Variants in UNC45B observed in about 807,000 individuals in gnomAD.
The protein encoded by UNC45B is protein unc-45 homolog B.
Under a neutral mutation model 98.7 loss-of-function variants are expected in UNC45B, and 78 were observed. That is an observed-to-expected ratio of 0.79 (90% CI 0.66 to 0.95). The LOEUF (loss-of-function observed/expected upper bound fraction) is 0.95, where lower values mean the gene tolerates loss of function less well. UNC45B is among the 40% of genes least tolerant of loss of function. The pLI, the probability that UNC45B is intolerant of heterozygous loss-of-function variation, is 0.00. For synonymous variants in UNC45B, 462 were observed against 480.4 expected, an observed-to-expected ratio of 0.96 and a Z score of 0.50; for missense variants, 1,225 against 1,184.9, an observed-to-expected ratio of 1.03 and a Z score of -0.50.
intron 18 of UNC45B, among the ~76,000 whole-genome samples, chr17:35,181,978 A>G (rs2092277026): frequency 6.6e-6 from 1 of 151,960 alleles, no homozygotes; most frequent in Non-Finnish European, 1.5e-5. Flanking sequence ...AACCTTTCCT[A>G]TGGGAGCACC....
At chr17:35,147,935 C>T (rs1157098489) in intron 1 of UNC45B, 25 bp downstream of exon 1, 5 of 303,550 alleles carry the variant, frequency 1.6e-5, no homozygotes, top group Admixed American at 4.5e-5. Flanking sequence ...GGGGTGTGCC[C>T]TGGACTGGGG....
chr17:35,149,218 G>A (rs2091998785), intron 3 of UNC45B, among the ~76,000 whole-genome samples: 1 of 152,172 alleles, frequency 6.6e-6, no homozygotes. Flanking sequence ...GCAACTCCCA[G>A]GTGGGTCAGA....
chr17:35,174,338 C>T lies in UNC45B; in HGVS notation c.1927C>T (p.Leu643Phe), dbSNP rs1414782079. The change falls in exon 14 of 20, where the codon CTC (leucine) becomes TTC (phenylalanine). Residue 643 changes from leucine to phenylalanine, a missense_variant. Physicochemically the swap from Leu to Phe is conservative, Grantham distance 22. Coordinates refer to ENST00000394570, the MANE Select transcript of UNC45B (RefSeq NM_001267052.2). ...CATGGTGAAAGCAGATAGTGCCATC[C>T]TCACTGACCAGACCAAGGAGCTGCT... ...ACMVKADSAI[L>F]TDQTKELLAR... The T allele has an allele frequency of 1.9e-6, 3 of 1,614,196 alleles. No individual in the cohort carries two copies. The highest frequency in any genetic ancestry group is 1.7e-6 in the Non-Finnish European group (2 of 1,180,022).
At chr17:35,169,281 C>T (rs953032112) in intron 10 of UNC45B, among the ~76,000 whole-genome samples, 1 of 152,144 alleles carries the variant, frequency 6.6e-6, no homozygotes, top group Non-Finnish European at 1.5e-5. Flanking sequence ...CTAACTGATC[C>T]ACCCGCCTCG....
chr17:35,179,583 G>A (rs2092259843), intron 17 of UNC45B, among the ~76,000 whole-genome samples: 1 of 152,168 alleles, frequency 6.6e-6, no homozygotes, highest in Non-Finnish European at 1.5e-5. Flanking sequence ...AAAAAAGGAT[G>A]AGTTCATGTC....
At chr17:35,179,451 C>T (rs1027068567) in intron 17 of UNC45B, among the ~76,000 whole-genome samples, 14 of 152,150 alleles carry the variant, frequency 9.2e-5, no homozygotes, top group African/African-American at 1.7e-4. Context: ...CACATGCACA[C>T]GTATGTTTAT....
intron 15 of UNC45B, among the ~76,000 whole-genome samples, chr17:35,176,302 A>G (rs936267360): frequency 6.6e-6 from 1 of 152,164 alleles, no homozygotes; most frequent in African/African-American, 2.4e-5. Flanking sequence ...CTTGTAGTTG[A>G]GTTCTTGCTC....
chr17:35,176,179 A>C, intron 15 of UNC45B, 145 bp downstream of exon 15: 1 of 742,790 alleles, frequency 1.3e-6, no homozygotes, highest in Non-Finnish European at 2.3e-6. Flanking sequence ...CCCCAAGCCA[A>C]TTTCTGCTTG....
intron 13 of UNC45B, among the ~76,000 whole-genome samples, chr17:35,171,881 A>G (rs1293044842): frequency 6.6e-6 from 1 of 152,258 alleles, no homozygotes; most frequent in Non-Finnish European, 1.5e-5. Context: ...CCCAGAAGTC[A>G]CAGATCCCCT....
intron 7 of UNC45B, among the ~76,000 whole-genome samples, chr17:35,156,595 C>T (rs2092063714): frequency 6.6e-6 from 1 of 151,946 alleles, no homozygotes; most frequent in Non-Finnish European, 1.5e-5. Flanking sequence ...CACTGCACTC[C>T]AACCCGGGTG....
chr17:35,163,567 A>G (rs1469622500), intron 8 of UNC45B, among the ~76,000 whole-genome samples: 3 of 152,204 alleles, frequency 2.0e-5, no homozygotes, highest in Non-Finnish European at 4.4e-5. Flanking sequence ...GTCTGGATTG[A>G]TAGTAGAGTT....
chr17:35,150,520 G>A (rs1320111540), intron 4 of UNC45B, among the ~76,000 whole-genome samples: 2 of 152,144 alleles, frequency 1.3e-5, no homozygotes, highest in Non-Finnish European at 2.9e-5. Flanking sequence ...AGGCTGAGGC[G>A]GGCAGATCAC....
chr17:35,169,462 C>T (rs1032623551), intron 10 of UNC45B, among the ~76,000 whole-genome samples: 1 of 152,144 alleles, frequency 6.6e-6, no homozygotes, highest in African/African-American at 2.4e-5. Context: ...ATCTGTTATC[C>T]AGAAGATAGG....
At position 35,177,544 on chromosome 17, in the gene UNC45B, A is replaced by G; in HGVS notation, c.2189A>G (p.Asp730Gly). ...PLVRLLDTQRDGLQNYEALLG... is the reference protein window; with the variant it reads ...PLVRLLDTQRGGLQNYEALLG... ...GTAAGACTCTTGGACACACAGAGGG[A>G]TGGGCTTCAGAACTATGAGGCTCTC... Residue 730 changes from aspartate (D) to glycine (G), a missense_variant, in exon 17 of 20, where the codon GAT becomes GGT. Asp to Gly is a moderately conservative substitution (Grantham distance 94, BLOSUM62 -1). Transcript: ENST00000394570. The G allele has an allele frequency of 6.4e-7, 1 of 1,567,176 alleles. No individual in the cohort carries two copies. Among genetic ancestry groups the G allele is most frequent in the Middle Eastern group, 1.7e-4 (1 of 6,010 alleles).
chr17:35,172,357 C>A (rs927186882), intron 13 of UNC45B, among the ~76,000 whole-genome samples: 2 of 151,992 alleles, frequency 1.3e-5, no homozygotes, highest in Admixed American at 1.3e-4. Flanking sequence ...TCAAGTGATT[C>A]TCCTGCCTCA....
intron 13 of UNC45B, among the ~76,000 whole-genome samples, chr17:35,172,748 A>C (rs1393315579): frequency 6.6e-6 from 1 of 152,090 alleles, no homozygotes; most frequent in African/African-American, 2.4e-5. Flanking sequence ...AACCCAATCC[A>C]TTGTTATGGC....
intron 1 of UNC45B, 142 bp from the exon 2 acceptor site, chr17:35,148,121 CT>C: frequency 1.1e-6 from 1 of 874,824 alleles, no homozygotes; most frequent in South Asian, 1.7e-5. Context: ...TTTGGGGGTT[CT>C]GGGGGTGGGT....
In UNC45B at chr17:35,152,947, T is replaced by C; in HGVS notation, c.436T>C (p.Leu146=). The C allele has an allele frequency of 6.2e-7, 1 of 1,614,112 alleles. No homozygotes were observed. Residue 146 remains leucine, a synonymous_variant, in exon 5 of 20, where the codon TTG becomes CTG. Transcript: ENST00000394570. ...SRVQKMFEIL[L]DENSEADKRE... ...GGTACAGAAGATGTTTGAGATCCTCTTGGATGAAAACAGTGAGGCTGATAA... is the reference window on the plus strand; with the variant it reads ...GGTACAGAAGATGTTTGAGATCCTCCTGGATGAAAACAGTGAGGCTGATAA...
chr17:35,149,427 GT>G (rs1160820593), intron 3 of UNC45B, among the ~76,000 whole-genome samples: 1 of 151,876 alleles, frequency 6.6e-6, no homozygotes, highest in Non-Finnish European at 1.5e-5. Flanking sequence ...GTTTTGTTTT[GT>G]TTTTTTGAGA....
Sources: allele counts gnomAD v4.1 joint callset (sites outside exome capture counted in the v4.1 genomes callset), GRCh38; gene constraint gnomAD v4.1.1; transcripts MANE v1.5; gene names NCBI Gene and HGNC (gene_info 2026-07-23, HGNC 2026-07-21).